Variants in TMEM132B observed in about 807,000 individuals in gnomAD.
TMEM132B encodes the protein transmembrane protein 132B.
Under a neutral mutation model 90.8 loss-of-function variants are expected in TMEM132B, and 18 were observed. That is an observed-to-expected ratio of 0.20 (90% CI 0.14 to 0.29). The LOEUF is 0.29. TMEM132B is among the 10% of genes least tolerant of loss of function. TMEM132B has a pLI of 1.00. For missense variants in TMEM132B, 1,096 were observed against 1,326.8 expected (o/e 0.83, Z 2.70); for synonymous variants, 504 against 523.3 (o/e 0.96, Z 0.50).
chr12:125,560,594 G>T lies in TMEM132B; in HGVS notation c.1294-23257G>T, dbSNP rs577589291. On this transcript the variant is annotated intron_variant, in intron 4 of 8. Transcript: ENST00000682704. ...TCCCAGCACTTTGGGAGGCCGAGGC[G>T]GGTGGATCATGAGGTCAGGAGATCG... is the stretch of plus-strand genomic sequence containing the variant. 6.6e-3 allele frequency among the ~76,000 whole-genome samples: 998 copies of T among 151,442 alleles called. 15 individuals are homozygous for T. Among genetic ancestry groups the T allele is most frequent in the African/African-American group, 0.022 (900 of 41,250 alleles).
intron 4 of TMEM132B, among the ~76,000 whole-genome samples, chr12:125,577,031 C>T (rs1239716259): frequency 1.3e-5 from 2 of 150,458 alleles, no homozygotes; most frequent in Non-Finnish European, 3.0e-5. Context: ...GTTTCATCTT[C>T]TAATTTTGTG....
chr12:125,208,614 T>C (rs1444452850), intron 1 of TMEM132B, among the ~76,000 whole-genome samples: 3 of 152,266 alleles, frequency 2.0e-5, no homozygotes, highest in African/African-American at 7.2e-5. Flanking sequence ...CTATTGCATG[T>C]GTCCGGACCG....
At chr12:125,436,150 G>A (rs959923371) in intron 3 of TMEM132B, among the ~76,000 whole-genome samples, 7 of 152,164 alleles carry the variant, frequency 4.6e-5, no homozygotes, top group Admixed American at 3.9e-4. Context: ...TTTGGGCTCC[G>A]GAGTCCAACT....
Position 125,212,367 on chromosome 12 carries a change from G to T in TMEM132B, c.67+25501G>T, listed in dbSNP as rs538330953. Among the ~76,000 whole-genome samples the T allele has an allele frequency of 1.1e-4, 16 of 152,174 alleles. No homozygotes were observed. In the East Asian group the frequency reaches 2.7e-3, roughly 26 times the overall value. Reference sequence around the variant, plus strand: ...AATATATATATTTTTTGTAGAGACAGGGTCTTGCTATATTGCACAGTCTGG... The same window carrying T: ...AATATATATATTTTTTGTAGAGACATGGTCTTGCTATATTGCACAGTCTGG... On this transcript the variant is annotated intron_variant, in intron 1 of 8. Transcript: ENST00000682704.
chr12:125,260,308 C>T (rs1023310201), intron 1 of TMEM132B, among the ~76,000 whole-genome samples: 5 of 152,108 alleles, frequency 3.3e-5, no homozygotes, highest in Admixed American at 6.5e-5. Context: ...GCCAAGCTGC[C>T]GCTATGACCT....
chr12:125,259,403 T>A (rs141993610), intron 1 of TMEM132B, among the ~76,000 whole-genome samples: 1 of 152,104 alleles, frequency 6.6e-6, no homozygotes, highest in Non-Finnish European at 1.5e-5. Flanking sequence ...TCTCCTTGAG[T>A]TGGATGTCTG....
intron 1 of TMEM132B, among the ~76,000 whole-genome samples, chr12:125,275,736 C>T (rs1390632952): frequency 6.6e-6 from 1 of 152,040 alleles, no homozygotes; most frequent in South Asian, 2.1e-4. Flanking sequence ...TTTTGGGAGA[C>T]AGGGTCTCAC....
At chr12:125,523,724 C>A (rs1883370971) in intron 4 of TMEM132B, among the ~76,000 whole-genome samples, 1 of 152,188 alleles carries the variant, frequency 6.6e-6, no homozygotes, top group Non-Finnish European at 1.5e-5. Flanking sequence ...GTGTTGTAGC[C>A]CCAGGCTGCT....
intron 1 of TMEM132B, among the ~76,000 whole-genome samples, chr12:125,332,550 T>TA (rs1220990049): frequency 6.7e-6 from 1 of 148,810 alleles, no homozygotes; most frequent in Admixed American, 6.7e-5. Flanking sequence ...CGGGGACCCT[T>TA]ATGTCATCTG....
At chr12:125,524,022 A>G (rs1356655902) in intron 4 of TMEM132B, among the ~76,000 whole-genome samples, 2 of 152,176 alleles carry the variant, frequency 1.3e-5, no homozygotes, top group Non-Finnish European at 2.9e-5. Context: ...ACAATTTCAC[A>G]TCACTGTCCT....
At chr12:125,474,896 G>A (rs573236856) in intron 3 of TMEM132B, among the ~76,000 whole-genome samples, 185 of 152,338 alleles carry the variant, frequency 1.2e-3, no homozygotes, top group African/African-American at 4.4e-3. Flanking sequence ...TTCTGGTCTT[G>A]CAACAATCCC....
chr12:125,513,503 G>T (rs189768435), intron 3 of TMEM132B, among the ~76,000 whole-genome samples: 62 of 152,340 alleles, frequency 4.1e-4, no homozygotes, highest in African/African-American at 1.3e-3. Flanking sequence ...TTTAACTGGG[G>T]TGGTCAGAGG....
chr12:125,432,511 G>GTGTATATA lies in TMEM132B; in HGVS notation c.1106+16835_1106+16836insGTATATAT, dbSNP rs1555248848. On this transcript the variant is annotated intron_variant, in intron 3 of 8. Coordinates refer to ENST00000682704, the MANE Select transcript of TMEM132B (RefSeq NM_001366854.1). ...TGTATGTGTATATATATGTGTGTGT[G>GTGTATATA]TATATATATATATATATAGAGAGAG... is the stretch of plus-strand genomic sequence containing the variant. 9.4e-3 allele frequency among the ~76,000 whole-genome samples: 175 copies of GTGTATATA among 18,542 alleles called. 39 individuals carry two copies. Among genetic ancestry groups the GTGTATATA allele is most frequent in the African/African-American group, 0.012 (36 of 3,106 alleles). 12.2% of individuals were successfully genotyped at this position (18,542 alleles called of 152,430 possible). A position where few individuals can be genotyped will look rare whatever the true frequency, so the allele number is the denominator to read the frequency against.
chr12:125,273,185 T>G (rs901407560), intron 1 of TMEM132B, among the ~76,000 whole-genome samples: 2 of 152,200 alleles, frequency 1.3e-5, no homozygotes, highest in Non-Finnish European at 2.9e-5. Flanking sequence ...TCTCTATATA[T>G]GTAATTCTGT....
At chr12:125,375,041 A>G (rs1255894040) in intron 2 of TMEM132B, among the ~76,000 whole-genome samples, 1 of 152,206 alleles carries the variant, frequency 6.6e-6, no homozygotes, top group Non-Finnish European at 1.5e-5. Flanking sequence ...GAAAGGTTTT[A>G]TTTATTTGCC....
intron 1 of TMEM132B, among the ~76,000 whole-genome samples, chr12:125,309,328 G>T (rs1234264028): frequency 6.6e-6 from 1 of 152,114 alleles, no homozygotes; most frequent in African/African-American, 2.4e-5. Context: ...GTTCTTTTAG[G>T]GGTAGTAAGA....
At chr12:125,494,176 TCCCTCCTCC>T (rs1363278392) in intron 3 of TMEM132B, among the ~76,000 whole-genome samples, 7 of 104,126 alleles carry the variant, frequency 6.7e-5, no homozygotes, top group Non-Finnish European at 1.3e-4. Flanking sequence ...AATGACCGCG[TCCCTCCTCC>T]CCCTCCTCCC....
At chr12:125,584,401 G>A (rs1885130872) in intron 5 of TMEM132B, 1 of 178,240 alleles carries the variant, frequency 5.6e-6, no homozygotes, top group African/African-American at 2.4e-5. Context: ...TTCTTTAAAT[G>A]CCTTGCTTCT....
chr12:125,465,620 C>T (rs910825576), intron 3 of TMEM132B, among the ~76,000 whole-genome samples: 2 of 152,312 alleles, frequency 1.3e-5, no homozygotes, highest in East Asian at 1.9e-4. Context: ...CTAGGGTGTG[C>T]CCCCTGGACG....
Sources: gnomAD v4.1 joint callset for allele counts (sites outside exome capture counted in the v4.1 genomes callset) on GRCh38, gnomAD v4.1.1 for gene constraint, MANE v1.5 for transcripts, NCBI Gene and HGNC (gene_info 2026-07-23, HGNC 2026-07-21) for gene names.